INO80D: variants seen among roughly 807,000 people sequenced by gnomAD.
INO80D encodes INO80 complex subunit D.
Under a neutral mutation model 87.6 loss-of-function variants are expected in INO80D, and 21 were observed. The observed-to-expected ratio is 0.24, with a 90% CI of 0.17 to 0.35. The LOEUF is 0.35. Ranked by LOEUF, INO80D falls within the 10% of genes least tolerant of loss-of-function variation. The pLI, the probability that INO80D is intolerant of heterozygous loss-of-function variation, is 1.00. For synonymous variants in INO80D, 440 were observed against 491.0 expected (o/e 0.90, Z 1.37); for missense variants, 982 against 1,280.7 (o/e 0.77, Z 3.56).
intron 8 of INO80D, among the ~76,000 whole-genome samples, chr2:206,011,597 G>C (rs1006184389): frequency 6.6e-6 from 1 of 152,136 alleles, no homozygotes; most frequent in African/African-American, 2.4e-5. Flanking sequence ...TCTGTCATAG[G>C]ATCTTACAAA....
In INO80D at chr2:206,009,582, G is replaced by A; in HGVS notation, c.1755C>T (p.His585=). Residue 585 remains histidine, a synonymous_variant, in exon 9 of 11, where the codon CAC becomes CAT. Coordinates refer to ENST00000403263, the MANE Select transcript of INO80D (RefSeq NM_017759.5). The part of the protein sequence containing the change: ...ASVSLPVEAS[H]IRSPSTPELS... ...GTGCCAGTGGCACCACTGACCGGAT[G>A]TGAGAGGCCTCCACTGGCAGTGAGA... is the stretch of plus-strand genomic sequence containing the variant. 6.2e-7 allele frequency: 1 copy of A among 1,611,148 alleles called. No homozygotes were observed. The highest frequency in any genetic ancestry group is 8.5e-7 in the Non-Finnish European group (1 of 1,178,866).
chr2:206,012,388 G>C (rs1174853322), intron 8 of INO80D, among the ~76,000 whole-genome samples: 3 of 152,002 alleles, frequency 2.0e-5, no homozygotes, highest in Admixed American at 6.6e-5. Flanking sequence ...AAAGAAAGTA[G>C]AACATAGACA....
rs1471706337 is a variant in INO80D at position 206,062,089 on chromosome 2, CTT to C, written c.218+708_218+709del. On this transcript the variant is annotated intron_variant, in intron 3 of 10. Transcript: ENST00000403263. This position sits in a 1 kb window ranked among gnomAD's most constrained non-coding sequence, Gnocchi z 4.6. ...AGACTCCTTTAAAAACAATTCCACT[CTT>C]TTCTAAATTTAGCGAAGCATAAACT... Among the ~76,000 whole-genome samples, 2 of 152,306 alleles carry C rather than the reference CTT, an allele frequency of 1.3e-5. No homozygotes were observed. Among genetic ancestry groups the C allele is most frequent in the East Asian group, 3.9e-4 (2 of 5,186 alleles).
intron 6 of INO80D, among the ~76,000 whole-genome samples, chr2:206,024,398 A>G (rs537391289): frequency 3.9e-5 from 6 of 152,230 alleles, no homozygotes; most frequent in South Asian, 2.1e-4. Flanking sequence ...CTCTAAGAAC[A>G]TAAGTCTCTG....
At position 206,024,988 on chromosome 2, in the gene INO80D, T is replaced by C. The variant is rs897043226; in HGVS notation, c.1298+3123A>G. Among the ~76,000 whole-genome samples, 5 of 151,986 alleles carry C rather than the reference T, an allele frequency of 3.3e-5. No individual in the cohort carries two copies. The East Asian group carries it at 9.8e-4, about 30-fold the overall frequency. On this transcript the variant is annotated intron_variant, in intron 6 of 10. Coordinates refer to ENST00000403263, the MANE Select transcript of INO80D (RefSeq NM_017759.5). ...CCAGGCTGGTCTCGAACTCCTGACC[T>C]CATGATCCGCCCACCTCGGCCTCCC... is the stretch of plus-strand genomic sequence containing the variant.
rs933885714 is a variant in INO80D, at chr2:205,996,304, A to G, written c.*8064T>C. On this transcript the variant is annotated 3_prime_UTR_variant, in exon 11 of 11. Transcript: ENST00000403263. ...GCTAGAAGAGACAGAATTAAGGGGG[A>G]AAAAAACCACAATGATGTGTGATTT... is the stretch of plus-strand genomic sequence containing the variant. The G allele has an allele frequency of 2.6e-5, 4 of 151,014 alleles. No individual in the cohort carries two copies. The highest frequency in any genetic ancestry group is 4.9e-5 in the African/African-American group (2 of 41,224). The allele number at this position is 151,014 out of a possible 1,614,324, so 9.4% of individuals were successfully genotyped here. A position where few individuals can be genotyped will look rare whatever the true frequency, so the allele number is the denominator to read the frequency against.
At chr2:206,039,964 C>T (rs936260774) in intron 5 of INO80D, among the ~76,000 whole-genome samples, 5 of 151,772 alleles carry the variant, frequency 3.3e-5, no homozygotes, top group African/African-American at 1.2e-4. Flanking sequence ...CATGAATAAA[C>T]ATACGACAAA....
chr2:206,029,240 G>A (rs1365411105), intron 5 of INO80D, among the ~76,000 whole-genome samples: 2 of 152,012 alleles, frequency 1.3e-5, no homozygotes, highest in African/African-American at 4.8e-5. Flanking sequence ...CATTTGATAA[G>A]TCAGGGATTA....
chr2:206,050,496 GAAAAA>G (rs3079265), intron 4 of INO80D, among the ~76,000 whole-genome samples: 1 of 99,576 alleles, frequency 1.0e-5, no homozygotes, highest in Non-Finnish European at 1.8e-5. Context: ...CGTCTCAAAA[GAAAAA>G]AAAAAAAAAA....
In INO80D at chr2:206,062,732, A is replaced by C; in HGVS notation, c.218+67T>G. ...AGGACAGAAGAAAAGAGAAGAAAAA[A>C]CAAGAAAAGAAAAAATTCCAAGCCT... is the stretch of plus-strand genomic sequence containing the variant. On this transcript the variant is annotated intron_variant, in intron 3 of 10. Coordinates refer to ENST00000403263, the MANE Select transcript of INO80D (RefSeq NM_017759.5). This position sits in a 1 kb window ranked among gnomAD's most constrained non-coding sequence, Gnocchi z 4.6. 1 of 1,346,648 alleles carries C rather than the reference A, an allele frequency of 7.4e-7. No homozygotes were observed. The highest frequency in any genetic ancestry group is 1.0e-6 in the Non-Finnish European group (1 of 980,952). The allele number at this position is 1,346,648 out of a possible 1,614,324, so 83.4% of individuals were successfully genotyped here. A position where few individuals can be genotyped will look rare whatever the true frequency, so the allele number is the denominator to read the frequency against.
At position 206,000,418 on chromosome 2, in the gene INO80D, G is replaced by A. The variant is rs558971441; in HGVS notation, c.*3950C>T. Reference sequence around the variant, plus strand: ...TAGGATGCCAAGGCACGGCAAAGACGGCGGGCAAGCATCAGCGGACTGACC... The same window carrying A: ...TAGGATGCCAAGGCACGGCAAAGACAGCGGGCAAGCATCAGCGGACTGACC... On this transcript the variant is annotated 3_prime_UTR_variant, in exon 11 of 11. Coordinates refer to ENST00000403263, the MANE Select transcript of INO80D (RefSeq NM_017759.5). 6.6e-6 allele frequency: 1 copy of A among 150,562 alleles called. No individual in the cohort carries two copies. The highest frequency in any genetic ancestry group is 1.5e-5 in the Non-Finnish European group (1 of 67,758). The allele number at this position is 150,562 out of a possible 1,614,324, so 9.3% of individuals were successfully genotyped here.
Position 205,999,413 on chromosome 2 carries a change from C to T in INO80D, c.*4955G>A, listed in dbSNP as rs568028571. On this transcript the variant is annotated 3_prime_UTR_variant, in exon 11 of 11. Transcript: ENST00000403263. ...GAGTATTGATCTAAACTTTAGATCACTAAAAACTGCTGTTCAAAGTAGCCA... is the reference window on the plus strand; with the variant it reads ...GAGTATTGATCTAAACTTTAGATCATTAAAAACTGCTGTTCAAAGTAGCCA... 2.0e-5 allele frequency: 3 copies of T among 152,290 alleles called. No homozygotes were observed. Among genetic ancestry groups the T allele is most frequent in the East Asian group, 3.9e-4 (2 of 5,180 alleles). 9.4% of individuals were successfully genotyped at this position (152,290 alleles called of 1,614,324 possible).
chr2:206,000,904 A>G lies in INO80D; in HGVS notation c.*3464T>C, dbSNP rs1445718104. 6.6e-6 allele frequency: 1 copy of G among 152,210 alleles called. No individual in the cohort carries two copies. The highest frequency in any genetic ancestry group is 1.5e-5 in the Non-Finnish European group (1 of 68,034). The allele number at this position is 152,210 out of a possible 1,614,324, so 9.4% of individuals were successfully genotyped here. A position where few individuals can be genotyped will look rare whatever the true frequency, so the allele number is the denominator to read the frequency against. On this transcript the variant is annotated 3_prime_UTR_variant, in exon 11 of 11. Transcript: ENST00000403263. The stretch of plus-strand genomic sequence containing the variant: ...TATAGTCTTCTCATAGAGGGGCACT[A>G]GACACACCACACTGCCTGCCAACAT...
At chr2:206,005,920 G>C (rs960275968) in intron 10 of INO80D, among the ~76,000 whole-genome samples, 6 of 152,280 alleles carry the variant, frequency 3.9e-5, no homozygotes, top group East Asian at 1.9e-4. Flanking sequence ...ACTTGGATTT[G>C]AGAGAAAAGG....
chr2:206,002,003 A>G lies in INO80D; in HGVS notation c.*2365T>C, dbSNP rs187097268. 12 of 152,338 alleles carry G rather than the reference A, an allele frequency of 7.9e-5. No homozygotes were observed. The highest frequency in any genetic ancestry group is 7.2e-4 in the Admixed American group (11 of 15,294). 9.4% of individuals were successfully genotyped at this position (152,338 alleles called of 1,614,324 possible). A position where few individuals can be genotyped will look rare whatever the true frequency, so the allele number is the denominator to read the frequency against. ...CAAACTCAGCTTTGTATCATAACTG[A>G]AGAATTTCAAGCAGCTAACATGAGG... On this transcript the variant is annotated 3_prime_UTR_variant, in exon 11 of 11. Coordinates refer to ENST00000403263, the MANE Select transcript of INO80D (RefSeq NM_017759.5).
rs1401113439 is a variant in INO80D, at chr2:206,063,213, G to C, written c.-92C>G. The C allele has an allele frequency of 1.7e-6, 1 of 576,444 alleles. No homozygotes were observed. Among genetic ancestry groups the C allele is most frequent in the African/African-American group, 1.9e-5 (1 of 51,632 alleles). The allele number at this position is 576,444 out of a possible 1,614,324, so 35.7% of individuals were successfully genotyped here. A position where few individuals can be genotyped will look rare whatever the true frequency, so the allele number is the denominator to read the frequency against. ...GAACCCCCAAGGATACCACAGTTTG[G>C]AATGCCGCAGAATCAGGATGAAGCA... On this transcript the variant is annotated 5_prime_UTR_variant, in exon 2 of 11. Transcript: ENST00000403263.
In INO80D at chr2:205,998,076, T is replaced by C. The variant is rs1299573088; in HGVS notation, c.*6292A>G. 6.6e-6 allele frequency: 1 copy of C among 152,192 alleles called. No homozygotes were observed. The highest frequency in any genetic ancestry group is 1.5e-5 in the Non-Finnish European group (1 of 68,010). The allele number at this position is 152,192 out of a possible 1,614,324, so 9.4% of individuals were successfully genotyped here. Reference sequence around the variant, plus strand: ...ACACTGAGAACATCTAGATTTATTATTTTCTCTATTTTACTTCCCAACTTA... The same window carrying C: ...ACACTGAGAACATCTAGATTTATTACTTTCTCTATTTTACTTCCCAACTTA... On this transcript the variant is annotated 3_prime_UTR_variant, in exon 11 of 11. Coordinates refer to ENST00000403263, the MANE Select transcript of INO80D (RefSeq NM_017759.5).
Position 206,009,618 on chromosome 2 carries a change from C to A in INO80D, c.1719G>T (p.Met573Ile). The change falls in exon 9 of 11, where the codon ATG becomes ATT. Residue 573 changes from methionine to isoleucine, a missense_variant. Coordinates refer to ENST00000403263, the MANE Select transcript of INO80D (RefSeq NM_017759.5). Reference sequence around the variant, plus strand: ...CCACTGGCAGTGAGACGCTGGCGGGCATGCTGAGGTTCCCTTGGGGGACTG... The same window carrying A: ...CCACTGGCAGTGAGACGCTGGCGGGAATGCTGAGGTTCCCTTGGGGGACTG... ...PPAVPQGNLS[M>I]PASVSLPVEA... 2.5e-6 allele frequency: 4 copies of A among 1,613,792 alleles called. No homozygotes were observed. The highest frequency in any genetic ancestry group is 3.4e-6 in the Non-Finnish European group (4 of 1,179,846).
At chr2:206,008,607 G>A (rs1391049231) in intron 9 of INO80D, among the ~76,000 whole-genome samples, 2 of 152,086 alleles carry the variant, frequency 1.3e-5, no homozygotes, top group Non-Finnish European at 2.9e-5. Flanking sequence ...ACAGAAACAT[G>A]AGAAACCCTA....
Sources: gnomAD v4.1 joint callset for allele counts (sites outside exome capture counted in the v4.1 genomes callset) on GRCh38, gnomAD v4.1.1 for gene constraint, Gnocchi (gnomAD v3.1) non-coding constraint, MANE v1.5 for transcripts, NCBI Gene and HGNC (gene_info 2026-07-23, HGNC 2026-07-21) for gene names.